Variants in DACH1 observed in about 807,000 individuals in gnomAD.
DACH1 encodes the protein dachshund family transcription factor 1.
DACH1 carries 12 observed loss-of-function variants against 54.2 expected under a neutral mutation model. The ratio of observed to expected loss-of-function variants is 0.22; its 90% CI spans 0.14 to 0.36. DACH1 has a LOEUF of 0.36. Among genes scored for constraint, DACH1 ranks in the 10% least tolerant of loss-of-function variants. The pLI, the probability that DACH1 is intolerant of heterozygous loss-of-function variation, is 1.00. For missense variants in DACH1, 805 were observed against 929.8 expected, an observed-to-expected ratio of 0.87 and a Z score of 1.75; for synonymous variants, 386 against 366.2, an observed-to-expected ratio of 1.05 and a Z score of -0.62.
At chr13:71,865,778 G>A (rs1203526000) in intron 1 of DACH1, 144 bp downstream of exon 1, 4 of 1,257,548 alleles carry the variant, frequency 3.2e-6, no homozygotes, top group South Asian at 2.7e-5. Flanking sequence ...GGCGAGCCCC[G>A]AGCAGGGAGA....
At chr13:71,707,075 T>C (rs1219064192) in intron 1 of DACH1, among the ~76,000 whole-genome samples, 1 of 152,198 alleles carries the variant, frequency 6.6e-6, no homozygotes, top group African/African-American at 2.4e-5. Flanking sequence ...TCTCTTCCTG[T>C]GAGGAAATTG....
At chr13:71,670,321 A>G (rs1880133210) in intron 2 of DACH1, among the ~76,000 whole-genome samples, 1 of 152,184 alleles carries the variant, frequency 6.6e-6, no homozygotes, top group Non-Finnish European at 1.5e-5. Flanking sequence ...TTCATTTCCA[A>G]CAATTAAATA....
intron 1 of DACH1, among the ~76,000 whole-genome samples, chr13:71,807,419 C>CAAAAA (rs10688170): frequency 0.013 from 1,253 of 99,608 alleles, 55 homozygotes; most frequent in African/African-American, 0.046. Context: ...TCACAGATTG[C>CAAAAA]AAAAAAAAAA....
chr13:71,489,438 T>C (rs1189194795), intron 6 of DACH1, among the ~76,000 whole-genome samples: 1 of 152,170 alleles, frequency 6.6e-6, no homozygotes, highest in Non-Finnish European at 1.5e-5. Flanking sequence ...ATAGTTGTGA[T>C]AATATATTCA....
rs139045601 is a variant in DACH1 at position 71,765,444 on chromosome 13, T to C, written c.849-83534A>G. Among the ~76,000 whole-genome samples, 174 of 152,340 alleles carry C rather than the reference T, an allele frequency of 1.1e-3. 1 individual carries two copies. Among genetic ancestry groups the C allele is most frequent in the South Asian group, 2.9e-3 (14 of 4,830 alleles). ...CTTCTAACTAGCCTTCTTGCCTCCA[T>C]TTGTAGTACACTTTCCAATTTGTCC... On this transcript the variant is annotated intron_variant, in intron 1 of 10. Transcript: ENST00000613252.
intron 6 of DACH1, among the ~76,000 whole-genome samples, chr13:71,540,297 C>T (rs938903855): frequency 5.9e-5 from 9 of 152,028 alleles, no homozygotes; most frequent in Admixed American, 5.9e-4. Flanking sequence ...TGTAACAGTT[C>T]ACCTTCAGTG....
chr13:71,499,141 A>ACACAC (rs1480700296), intron 6 of DACH1, among the ~76,000 whole-genome samples: 1 of 150,534 alleles, frequency 6.6e-6, no homozygotes, highest in Non-Finnish European at 1.5e-5. Context: ...ACGCAGACAC[A>ACACAC]CACACACACA....
chr13:71,606,920 GT>G (rs1874922072), intron 3 of DACH1, among the ~76,000 whole-genome samples: 1 of 152,006 alleles, frequency 6.6e-6, no homozygotes, highest in Non-Finnish European at 1.5e-5. Flanking sequence ...CCTACCTTTA[GT>G]TTGAGCATTT....
At chr13:71,600,842 C>T (rs1874437322) in intron 3 of DACH1, among the ~76,000 whole-genome samples, 1 of 151,970 alleles carries the variant, frequency 6.6e-6, no homozygotes. Context: ...ATTCTCAAAA[C>T]TGACTTTTCA....
chr13:71,673,610 G>C (rs995727685), intron 2 of DACH1, among the ~76,000 whole-genome samples: 4 of 151,988 alleles, frequency 2.6e-5, no homozygotes, highest in East Asian at 1.9e-4. Flanking sequence ...GTGCCTGTTG[G>C]GGGGTGTGGG....
At chr13:71,502,402 T>C (rs190920478) in intron 6 of DACH1, among the ~76,000 whole-genome samples, 1 of 152,304 alleles carries the variant, frequency 6.6e-6, no homozygotes, top group African/African-American at 2.4e-5. Context: ...TTAGGTAGCT[T>C]ATGCAGAATA....
chr13:71,546,603 A>G (rs1883482417), intron 6 of DACH1, among the ~76,000 whole-genome samples: 1 of 151,980 alleles, frequency 6.6e-6, no homozygotes, highest in Admixed American at 6.6e-5. Context: ...ATATGCAATT[A>G]CTTTTAAAAA....
At chr13:71,617,881 A>T (rs1011273600) in intron 3 of DACH1, among the ~76,000 whole-genome samples, 45 of 150,096 alleles carry the variant, frequency 3.0e-4, no homozygotes, top group East Asian at 7.7e-4. Context: ...AATCATTTTT[A>T]AAAAAAATAC....
intron 6 of DACH1, among the ~76,000 whole-genome samples, chr13:71,515,880 A>G (rs1468661754): frequency 2.0e-5 from 3 of 151,914 alleles, no homozygotes; most frequent in African/African-American, 7.2e-5. Flanking sequence ...TTCACAGGGT[A>G]ACAATCTGCA....
At chr13:71,579,334 T>A (rs184605889) in intron 3 of DACH1, among the ~76,000 whole-genome samples, 2 of 152,138 alleles carry the variant, frequency 1.3e-5, no homozygotes, top group African/African-American at 4.8e-5. Context: ...ATAAGTGAAG[T>A]TGTACAAAGC....
Position 71,607,803 on chromosome 13 carries a change from C to A in DACH1, c.1126+22753G>T, listed in dbSNP as rs188368888. On this transcript the variant is annotated intron_variant, in intron 3 of 10. Coordinates refer to ENST00000613252, the MANE Select transcript of DACH1 (RefSeq NM_080759.6). ...TTAAAACGTGATAAATTGAAAGATA[C>A]CAACAAAATTCAGACTGCCTGTCAG... is the stretch of plus-strand genomic sequence containing the variant. Among the ~76,000 whole-genome samples the A allele has an allele frequency of 2.2e-3, 330 of 152,038 alleles. 3 individuals carry two copies. Among genetic ancestry groups the A allele is most frequent in the African/African-American group, 7.0e-3 (290 of 41,512 alleles).
chr13:71,481,248 C>G (rs1376719565), intron 7 of DACH1, among the ~76,000 whole-genome samples: 1 of 152,140 alleles, frequency 6.6e-6, no homozygotes, highest in Non-Finnish European at 1.5e-5. Flanking sequence ...AATGTTGGCA[C>G]CACTTAATGT....
rs768826540 is a variant in DACH1 at position 71,866,259 on chromosome 13, G to A, written c.511C>T (p.Pro171Ser). 6.2e-7 allele frequency: 1 copy of A among 1,603,476 alleles called. No homozygotes were observed. Among genetic ancestry groups the A allele is most frequent in the Non-Finnish European group, 8.5e-7 (1 of 1,174,578 alleles). The change falls in exon 1 of 11, where the codon CCC (proline) becomes TCC (serine). Residue 171 changes from proline to serine, a missense_variant. Physicochemically the swap from Pro to Ser is moderately conservative, Grantham distance 74. Around this residue, in one of 3 missense-constraint regions of DACH1, gnomAD observed 305 missense variants for 308.7 expected, o/e 0.99. Transcript: ENST00000613252. Reference sequence around the variant, plus strand: ...ACTGGGGACGGGGTTGAGTACACGGGTTTCCCGGGGAGGGGGCCGCAGCTG... The same window carrying A: ...ACTGGGGACGGGGTTGAGTACACGGATTTCCCGGGGAGGGGGCCGCAGCTG... ...SSSCGPLPGK[P>S]VYSTPSPVEN...
intron 3 of DACH1, chr13:71,573,600 G>T: frequency 2.0e-6 from 1 of 488,328 alleles, no homozygotes; most frequent in Non-Finnish European, 3.7e-6. Flanking sequence ...TAAATTACTT[G>T]GATATAATAT....
Sources: allele counts gnomAD v4.1 joint callset (sites outside exome capture counted in the v4.1 genomes callset), GRCh38; gene constraint gnomAD v4.1.1; regional missense constraint gnomAD v4.1.1; transcripts MANE v1.5; gene names NCBI Gene and HGNC (gene_info 2026-07-23, HGNC 2026-07-21).